Variants in NKAIN2 observed in about 807,000 individuals in gnomAD.
NKAIN2 encodes the protein sodium/potassium-transporting ATPase subunit beta-1-interacting protein 2.
A neutral mutation model predicts 32.6 loss-of-function variants in NKAIN2; 14 were observed. The ratio of observed to expected loss-of-function variants is 0.43; its 90% CI spans 0.28 to 0.67. The LOEUF is 0.67. Ranked by LOEUF, NKAIN2 falls within the 30% of genes least tolerant of loss-of-function variation. The probability of loss-of-function intolerance (pLI) is 0.17; values close to 1 mark genes in which losing one functional copy is unlikely to be tolerated. For missense variants in NKAIN2, 198 were observed against 258.3 expected (o/e 0.77, Z 1.60); for synonymous variants, 80 against 87.2 (o/e 0.92, Z 0.46).
chr6:124,399,540 C>G (rs1032382070), intron 3 of NKAIN2, among the ~76,000 whole-genome samples: 2 of 152,132 alleles, frequency 1.3e-5, no homozygotes, highest in African/African-American at 4.8e-5. Context: ...CCCATGTGGC[C>G]TACAGATGAC....
chr6:124,056,100 A>G lies in NKAIN2; in HGVS notation c.55-226905A>G, dbSNP rs143146253. Among the ~76,000 whole-genome samples, 154 of 152,202 alleles carry G rather than the reference A, an allele frequency of 1.0e-3. 4 individuals are homozygous for G. The East Asian group carries it at 0.023, about 23-fold the overall frequency. ...TTCTGCAAGTACCAGGACAAATCCT[A>G]TGCCTAAACACAATCTTGCAGTAGA... On this transcript the variant is annotated intron_variant, in intron 1 of 6. Coordinates refer to ENST00000368417, the MANE Select transcript of NKAIN2 (RefSeq NM_001040214.3).
At chr6:124,279,041 G>T (rs950065581) in intron 1 of NKAIN2, among the ~76,000 whole-genome samples, 1 of 152,036 alleles carries the variant, frequency 6.6e-6, no homozygotes, top group African/African-American at 2.4e-5. Context: ...AATCCATTTT[G>T]TAAATAAAAA....
chr6:124,311,447 A>G (rs1796709424), intron 2 of NKAIN2, among the ~76,000 whole-genome samples: 1 of 152,114 alleles, frequency 6.6e-6, no homozygotes, highest in Non-Finnish European at 1.5e-5. Context: ...TTGTGTGGAT[A>G]TGCTTCTGGG....
intron 3 of NKAIN2, among the ~76,000 whole-genome samples, chr6:124,419,770 G>A (rs1441040410): frequency 1.3e-5 from 2 of 151,864 alleles, no homozygotes; most frequent in Non-Finnish European, 2.9e-5. Flanking sequence ...TTTTTTATAT[G>A]TCATGGATGA....
chr6:124,408,116 A>T (rs1326861558), intron 3 of NKAIN2, among the ~76,000 whole-genome samples: 9 of 151,928 alleles, frequency 5.9e-5, no homozygotes, highest in Non-Finnish European at 1.3e-4. Context: ...AGATGAGTAG[A>T]TTGCGAAAAT....
chr6:123,976,348 CATATATATATATATATATATTCCCAT>C (rs1410297830), intron 1 of NKAIN2, among the ~76,000 whole-genome samples: 207 of 13,682 alleles, frequency 0.015, 19 homozygotes, highest in African/African-American at 0.049. Flanking sequence ...TATATGTTCC[CATATATATATATATATATATTCCCAT>C]ATATATATAT....
intron 2 of NKAIN2, among the ~76,000 whole-genome samples, chr6:124,348,257 C>G (rs1313635595): frequency 5.9e-5 from 9 of 151,740 alleles, no homozygotes; most frequent in Non-Finnish European, 4.4e-5. Context: ...TGGGGGGTGC[C>G]TCTCAGGCTG....
intron 1 of NKAIN2, among the ~76,000 whole-genome samples, chr6:124,066,866 G>T (rs1428210705): frequency 2.7e-4 from 3 of 11,128 alleles, no homozygotes; most frequent in African/African-American, 1.6e-3. Flanking sequence ...CTGCGTTTGT[G>T]TGTGTGTGTG....
At chr6:124,599,374 A>T (rs937870571) in intron 3 of NKAIN2, among the ~76,000 whole-genome samples, 2 of 152,134 alleles carry the variant, frequency 1.3e-5, no homozygotes, top group African/African-American at 4.8e-5. Context: ...AGCTAAAGTG[A>T]TTGTGGATTT....
At chr6:124,283,462 A>T (rs1795397174) in intron 2 of NKAIN2, among the ~76,000 whole-genome samples, 1 of 152,196 alleles carries the variant, frequency 6.6e-6, no homozygotes, top group Non-Finnish European at 1.5e-5. Context: ...ACAGATTTTA[A>T]TGGAAATTTT....
intron 1 of NKAIN2, among the ~76,000 whole-genome samples, chr6:124,166,879 C>G (rs1412087694): frequency 6.8e-6 from 1 of 146,292 alleles, no homozygotes; most frequent in African/African-American, 2.5e-5. Flanking sequence ...TGATCTATAT[C>G]TCTGTTTTGG....
chr6:124,344,966 G>A (rs921473040), intron 2 of NKAIN2, among the ~76,000 whole-genome samples: 2 of 152,134 alleles, frequency 1.3e-5, no homozygotes, highest in Non-Finnish European at 2.9e-5. Flanking sequence ...ATTGGCTGTG[G>A]TTTTGTCATA....
At chr6:124,194,722 A>G (rs1165960547) in intron 1 of NKAIN2, among the ~76,000 whole-genome samples, 1 of 152,182 alleles carries the variant, frequency 6.6e-6, no homozygotes, top group Non-Finnish European at 1.5e-5. Flanking sequence ...TAGTATTACT[A>G]GATCAACTTA....
intron 5 of NKAIN2, among the ~76,000 whole-genome samples, chr6:124,808,445 A>G (rs1780706137): frequency 6.6e-6 from 1 of 152,220 alleles, no homozygotes; most frequent in Admixed American, 6.5e-5. Context: ...GCTTCATGCT[A>G]AAAACTCTCA....
At chr6:124,169,856 C>T (rs1049971531) in intron 1 of NKAIN2, among the ~76,000 whole-genome samples, 5 of 152,112 alleles carry the variant, frequency 3.3e-5, no homozygotes, top group African/African-American at 1.2e-4. Context: ...ATTCAGAAAT[C>T]GCAGAGAAAG....
chr6:124,667,050 C>G (rs1373313130), intron 4 of NKAIN2, among the ~76,000 whole-genome samples: 1 of 152,096 alleles, frequency 6.6e-6, no homozygotes, highest in African/African-American at 2.4e-5. Context: ...TTTACTTACT[C>G]CCCAGATAGA....
At chr6:124,767,295 T>A (rs1354062282) in intron 4 of NKAIN2, among the ~76,000 whole-genome samples, 1 of 152,098 alleles carries the variant, frequency 6.6e-6, no homozygotes, top group Non-Finnish European at 1.5e-5. Flanking sequence ...CTTGGGATTT[T>A]ATTAATTTTC....
At chr6:124,762,811 T>C (rs1778332484) in intron 4 of NKAIN2, among the ~76,000 whole-genome samples, 1 of 152,002 alleles carries the variant, frequency 6.6e-6, no homozygotes, top group South Asian at 2.1e-4. Flanking sequence ...TCGGAGAGCG[T>C]TGGTTTGCAG....
intron 1 of NKAIN2, among the ~76,000 whole-genome samples, chr6:123,929,950 G>A (rs1331801389): frequency 1.3e-5 from 2 of 152,022 alleles, no homozygotes; most frequent in Non-Finnish European, 2.9e-5. Flanking sequence ...TCAGAGAATG[G>A]ATACTCAACC....
Sources: allele counts gnomAD v4.1 joint callset (sites outside exome capture counted in the v4.1 genomes callset), GRCh38; gene constraint gnomAD v4.1.1; transcripts MANE v1.5; gene names NCBI Gene and HGNC (gene_info 2026-07-23, HGNC 2026-07-21).